ZC3H12B: variants seen among roughly 807,000 people sequenced by gnomAD.
ZC3H12B encodes the protein probable ribonuclease ZC3H12B.
In ZC3H12B, 7 loss-of-function variants were observed where a neutral mutation model predicts 43.9. The observed-to-expected ratio is 0.16, with a 90% confidence interval of 0.09 to 0.30. The LOEUF (loss-of-function observed/expected upper bound fraction) is 0.30, where lower values mean the gene tolerates loss of function less well. ZC3H12B is among the 10% of genes least tolerant of loss of function. The probability of loss-of-function intolerance (pLI) is 1.00; values close to 1 mark genes in which losing one functional copy is unlikely to be tolerated. For synonymous variants in ZC3H12B, 222 were observed against 241.7 expected, an observed-to-expected ratio of 0.92 and a Z score of 0.76; for missense variants, 475 against 670.2, an observed-to-expected ratio of 0.71 and a Z score of 3.22.
chrX:65,498,685 A>G (rs938864026), intron 2 of ZC3H12B, among the ~76,000 whole-genome samples: 14 of 112,315 alleles, frequency 1.2e-4, no homozygotes, highest in African/African-American at 4.5e-4. Context: ...GCTTTGGCCA[A>G]AGGGCAAAAC....
At chrX:65,169,125 T>C in the ZC3H12B span, among the ~76,000 whole-genome samples, 1,110 of 111,767 alleles carry the variant, frequency 9.9e-3, 5 homozygotes, top group Non-Finnish European at 0.017. Flanking sequence ...ATTGTGATGT[T>C]AGGGTGTCAA....
chrX:65,141,195 C>A, the ZC3H12B span, among the ~76,000 whole-genome samples: 1 of 110,465 alleles, frequency 9.1e-6, no homozygotes, highest in Non-Finnish European at 1.9e-5. Context: ...TTACTAAAAG[C>A]TTTTCTCTTA....
chrX:65,496,963 A>C, intron 1 of ZC3H12B, among the ~76,000 whole-genome samples, 169 bp from the exon 7 acceptor site: 1 of 110,132 alleles, frequency 9.1e-6, no homozygotes, highest in African/African-American at 3.3e-5. Flanking sequence ...AAAAAAAAAA[A>C]AGAAAAAAAA....
intron 3 of ZC3H12B, among the ~76,000 whole-genome samples, chrX:65,398,942 G>A (rs750831689): frequency 2.7e-5 from 3 of 111,914 alleles, no homozygotes; most frequent in Non-Finnish European, 5.6e-5. Flanking sequence ...TGTCTCTTCA[G>A]TAAGTGGTGT....
At chrX:65,441,455 C>T (rs1040354742) in intron 3 of ZC3H12B, among the ~76,000 whole-genome samples, 1 of 111,787 alleles carries the variant, frequency 8.9e-6, no homozygotes, top group African/African-American at 3.2e-5. Flanking sequence ...ATTTGATTTA[C>T]CCAATAAGCT....
At position 65,408,709 on chromosome X, in the gene ZC3H12B, G is replaced by A. The variant is rs2066867458; in HGVS notation, n.407+10005G>A. 3.5e-5 allele frequency: 26 copies of A among 748,420 alleles called. No homozygotes were observed. In the East Asian group the frequency reaches 9.0e-4, roughly 26 times the overall value. 61.7% of individuals were successfully genotyped at this position (748,420 alleles called of 1,213,427 possible). On this transcript the variant is annotated intron_variant and non_coding_transcript_variant, in intron 3 of 5. Transcript: ENST00000617377. The stretch of plus-strand genomic sequence containing the variant: ...AGGACTTTGTCCTCATACTCTTACA[G>A]TGCTGCAAAGTTGTGTGGATCGCTA...
chrX:65,427,065 A>T (rs1254792784), intron 3 of ZC3H12B, among the ~76,000 whole-genome samples: 2 of 111,370 alleles, frequency 1.8e-5, no homozygotes, highest in African/African-American at 6.5e-5. Context: ...TGGGGTGTTA[A>T]AGTCTTCCAC....
chrX:65,398,057 G>T (rs945709626), intron 2 of ZC3H12B, among the ~76,000 whole-genome samples: 2 of 111,055 alleles, frequency 1.8e-5, no homozygotes, highest in Non-Finnish European at 3.8e-5. Context: ...AAAATACATA[G>T]AATTAACTTA....
chrX:65,431,628 A>G (rs1172758171), intron 3 of ZC3H12B, among the ~76,000 whole-genome samples: 1 of 112,465 alleles, frequency 8.9e-6, no homozygotes, highest in Non-Finnish European at 1.9e-5. Flanking sequence ...TAGTGAGATC[A>G]CACTTTGATG....
At chrX:65,415,822 G>A (rs1305383521) in intron 3 of ZC3H12B, among the ~76,000 whole-genome samples, 1 of 111,670 alleles carries the variant, frequency 9.0e-6, no homozygotes, top group African/African-American at 3.3e-5. Flanking sequence ...TATTACTGTG[G>A]ATATTACATG....
At chrX:65,212,676 T>G in the ZC3H12B span, among the ~76,000 whole-genome samples, 1 of 88,043 alleles carries the variant, frequency 1.1e-5, no homozygotes, top group East Asian at 3.5e-4. Flanking sequence ...ATATATATGA[T>G]TTATATATCA....
chrX:65,290,506 G>T, the ZC3H12B span, among the ~76,000 whole-genome samples: 1 of 111,022 alleles, frequency 9.0e-6, no homozygotes, highest in African/African-American at 3.3e-5. Context: ...CTACTACTGG[G>T]TATCTACCCA....
At chrX:65,090,686 AG>A in the ZC3H12B span, among the ~76,000 whole-genome samples, 1 of 111,319 alleles carries the variant, frequency 9.0e-6, no homozygotes, top group East Asian at 2.8e-4. Context: ...TTTTAAGTCA[AG>A]GATCTTGAGA....
chrX:65,144,510 G>GT, the ZC3H12B span, among the ~76,000 whole-genome samples: 3 of 110,984 alleles, frequency 2.7e-5, 1 homozygote, highest in South Asian at 7.5e-4. Flanking sequence ...TCTTTTGCTG[G>GT]TTTTGGGTTT....
the ZC3H12B span, among the ~76,000 whole-genome samples, chrX:65,083,661 T>C: frequency 1.8e-5 from 2 of 111,751 alleles, no homozygotes; most frequent in African/African-American, 6.5e-5. Flanking sequence ...ATCAATATTG[T>C]TAAAATGTCC....
chrX:65,453,056 A>G (rs895441306), intron 3 of ZC3H12B, among the ~76,000 whole-genome samples: 1 of 109,980 alleles, frequency 9.1e-6, no homozygotes, highest in Non-Finnish European at 1.9e-5. Context: ...AAGACTAAGC[A>G]AAAAGATCAA....
At chrX:65,334,580 G>A in the ZC3H12B span, among the ~76,000 whole-genome samples, 1 of 111,863 alleles carries the variant, frequency 8.9e-6, no homozygotes, top group Non-Finnish European at 1.9e-5. Context: ...ATTAATTGGA[G>A]CACCTTTATA....
At chrX:65,224,789 G>A in the ZC3H12B span, among the ~76,000 whole-genome samples, 3 of 111,933 alleles carry the variant, frequency 2.7e-5, no homozygotes, top group Non-Finnish European at 5.6e-5. Flanking sequence ...AACAGTCTGA[G>A]ATCAAACTAC....
the ZC3H12B span, among the ~76,000 whole-genome samples, chrX:65,153,008 G>A: frequency 8.9e-6 from 1 of 111,953 alleles, no homozygotes; most frequent in South Asian, 3.7e-4. Flanking sequence ...AATAAATGGT[G>A]CTGTGAAAAC....
Sources: allele counts gnomAD v4.1 joint callset (sites outside exome capture counted in the v4.1 genomes callset), GRCh38; gene constraint gnomAD v4.1.1; transcripts MANE v1.5; gene names NCBI Gene and HGNC (gene_info 2026-07-23, HGNC 2026-07-21).